The following DOCK5 variants were observed in gnomAD, a reference collection of about 807,000 sequenced individuals.
The protein encoded by DOCK5 is dedicator of cytokinesis 5.
Under a neutral mutation model 251.8 loss-of-function variants are expected in DOCK5, and 142 were observed. The ratio of observed to expected loss-of-function variants is 0.56; its 90% CI spans 0.49 to 0.65. The LOEUF (loss-of-function observed/expected upper bound fraction) is 0.65. DOCK5 is among the 30% of genes least tolerant of loss of function. DOCK5 has a pLI of 0.00. For missense variants in DOCK5, 2,111 were observed against 2,312.3 expected, an observed-to-expected ratio of 0.91 and a Z score of 1.79; for synonymous variants, 842 against 835.5, an observed-to-expected ratio of 1.01 and a Z score of -0.13.
intron 6 of DOCK5, among the ~76,000 whole-genome samples, chr8:25,295,870 A>G (rs1804604238): frequency 6.6e-6 from 1 of 152,130 alleles, no homozygotes; most frequent in Admixed American, 6.5e-5. Flanking sequence ...TGCAGGCTAG[A>G]GTGCAGTGGT....
At chr8:25,334,061 G>A in intron 20 of DOCK5, 35 bp from the exon 21 acceptor site, 1 of 1,500,892 alleles carries the variant, frequency 6.7e-7, no homozygotes, top group Non-Finnish European at 9.3e-7. Flanking sequence ...TTGGGATTGT[G>A]CAGTGCTGCT....
intron 50 of DOCK5, chr8:25,409,870 A>G: frequency 2.4e-6 from 1 of 420,274 alleles, no homozygotes; most frequent in Non-Finnish European, 4.3e-6. Context: ...AAAAAAAATA[A>G]AGTTTTTGCT....
In DOCK5 at chr8:25,411,204, C is replaced by G. The variant is rs141433952; in HGVS notation, c.5519C>G (p.Pro1840Arg). 3.3e-5 allele frequency: 52 copies of G among 1,586,768 alleles called. No individual in the cohort carries two copies. In the African/African-American group the frequency reaches 5.9e-4, roughly 18 times the overall value. ...TTTCTGCTTCTGCAGCTCGCTCCCC[C>G]ACTGCCTGTCCGAAGAGAAGCCAAA... ...SQRNSTELAP[P>R]LPVRREAKAP... Residue 1840 changes from proline to arginine, a missense_variant, in exon 52 of 52, where the codon CCA (proline) becomes CGA (arginine). Pro to Arg is a moderately radical substitution (Grantham distance 103). Around this residue, in one of 3 missense-constraint regions of DOCK5, gnomAD observed 1,717 missense variants for 1,892.4 expected, o/e 0.91. Transcript: ENST00000276440.
At position 25,274,055 on chromosome 8, in the gene DOCK5, G is replaced by A. The variant is rs562702824; in HGVS notation, c.169-1331G>A. The stretch of plus-strand genomic sequence containing the variant: ...CACTCTGTCATCACCAATGCTAGGG[G>A]CAGTTTAATCTCAAATGTTCTTGCT... On this transcript the variant is annotated intron_variant, in intron 3 of 51. Transcript: ENST00000276440. Among the ~76,000 whole-genome samples, 11 of 152,312 alleles carry A rather than the reference G, an allele frequency of 7.2e-5. No homozygotes were observed. The East Asian group carries it at 2.1e-3, about 29-fold the overall frequency.
At chr8:25,382,269 G>A (rs142619645) in intron 39 of DOCK5, among the ~76,000 whole-genome samples, 3 of 152,276 alleles carry the variant, frequency 2.0e-5, no homozygotes, top group Admixed American at 1.3e-4. Context: ...GAGCCACTGC[G>A]CCTGGCCTTG....
chr8:25,377,143 T>A (rs1165378550), intron 37 of DOCK5, among the ~76,000 whole-genome samples, 162 bp from the exon 38 acceptor site: 2 of 152,222 alleles, frequency 1.3e-5, no homozygotes, highest in Admixed American at 1.3e-4. Flanking sequence ...ATACTCTTGT[T>A]TTGGAGCTGG....
intron 46 of DOCK5, among the ~76,000 whole-genome samples, chr8:25,400,529 G>T (rs899398571): frequency 1.4e-5 from 2 of 144,760 alleles, no homozygotes; most frequent in Non-Finnish European, 3.0e-5. Flanking sequence ...TCATCTGTTG[G>T]TTTCCTGGCA....
intron 6 of DOCK5, among the ~76,000 whole-genome samples, chr8:25,294,937 A>G (rs1183109269): frequency 6.6e-6 from 1 of 152,084 alleles, no homozygotes; most frequent in Non-Finnish European, 1.5e-5. Flanking sequence ...ACAGCACCAA[A>G]GGGATGGTGT....
At chr8:25,252,598 GTTTGA>G in intron 2 of DOCK5, among the ~76,000 whole-genome samples, 1 of 152,186 alleles carries the variant, frequency 6.6e-6, no homozygotes, top group Non-Finnish European at 1.5e-5. Context: ...TCCCACATCT[GTTTGA>G]CCTTTACCTT....
At chr8:25,386,486 T>TA (rs1292160452) in intron 40 of DOCK5, among the ~76,000 whole-genome samples, 2 of 152,170 alleles carry the variant, frequency 1.3e-5, no homozygotes, top group African/African-American at 4.8e-5. Context: ...TGGTCCTAGC[T>TA]ACTCAGTAGG....
chr8:25,318,273 T>C (rs1487577218), intron 14 of DOCK5, among the ~76,000 whole-genome samples: 2 of 151,584 alleles, frequency 1.3e-5, no homozygotes, highest in Non-Finnish European at 2.9e-5. Context: ...ATATTTTTAG[T>C]AGAGACGGGG....
Position 25,411,426 on chromosome 8 carries a change from C to G in DOCK5, c.*128C>G. 1.6e-6 allele frequency: 2 copies of G among 1,243,012 alleles called. No homozygotes were observed. The highest frequency in any genetic ancestry group is 2.1e-6 in the Non-Finnish European group (2 of 969,744). 77.0% of individuals were successfully genotyped at this position (1,243,012 alleles called of 1,614,324 possible). On this transcript the variant is annotated 3_prime_UTR_variant, in exon 52 of 52. Transcript: ENST00000276440. Reference sequence around the variant, plus strand: ...TTTCCTGATCTGGGATGATGTTTACCAGCCCAAAACCAGTCATGTTCTTCC... The same window carrying G: ...TTTCCTGATCTGGGATGATGTTTACGAGCCCAAAACCAGTCATGTTCTTCC...
intron 27 of DOCK5, among the ~76,000 whole-genome samples, chr8:25,352,480 A>G (rs746884713): frequency 6.6e-6 from 1 of 152,140 alleles, no homozygotes; most frequent in African/African-American, 2.4e-5. Context: ...GGTAACAACT[A>G]TGATAGAGGC....
chr8:25,386,550 A>G (rs1411392165), intron 40 of DOCK5, among the ~76,000 whole-genome samples: 1 of 152,248 alleles, frequency 6.6e-6, no homozygotes, highest in Non-Finnish European at 1.5e-5. Context: ...GTGAGCTGTG[A>G]TCAAGCCACT....
chr8:25,264,179 T>C (rs946373696), intron 2 of DOCK5, among the ~76,000 whole-genome samples: 4 of 151,314 alleles, frequency 2.6e-5, no homozygotes, highest in South Asian at 4.2e-4. Context: ...CCTGACAGCA[T>C]GGGGAGATGC....
chr8:25,235,316 A>C (rs1802767721), intron 1 of DOCK5, among the ~76,000 whole-genome samples: 2 of 152,132 alleles, frequency 1.3e-5, no homozygotes, highest in Admixed American at 1.3e-4. Context: ...TGTAGCCTCG[A>C]CTGCTACAAT....
chr8:25,187,952 T>C (rs1291032305), intron 1 of DOCK5, among the ~76,000 whole-genome samples: 1 of 152,206 alleles, frequency 6.6e-6, no homozygotes. Context: ...TTCCTCGCAG[T>C]TCCTGGACTG....
intron 6 of DOCK5, among the ~76,000 whole-genome samples, chr8:25,295,540 C>T (rs899607532): frequency 6.6e-6 from 1 of 152,156 alleles, no homozygotes; most frequent in Non-Finnish European, 1.5e-5. Flanking sequence ...GTCTAAATGA[C>T]ACCAGAGCCC....
At chr8:25,302,244 T>C (rs556605888) in intron 9 of DOCK5, 81 bp from the exon 10 acceptor site, 22 of 1,486,492 alleles carry the variant, frequency 1.5e-5, no homozygotes, top group East Asian at 2.3e-5. Context: ...AGGATTTTGT[T>C]GTAGAGGGTA....
Sources: allele counts gnomAD v4.1 joint callset (sites outside exome capture counted in the v4.1 genomes callset), GRCh38; gene constraint gnomAD v4.1.1; regional missense constraint gnomAD v4.1.1; transcripts MANE v1.5; gene names NCBI Gene and HGNC (gene_info 2026-07-23, HGNC 2026-07-21).